Variants in HMGXB3 observed in about 807,000 individuals in gnomAD.
HMGXB3 encodes the protein HMG domain-containing protein 3.
In HMGXB3, 45 loss-of-function variants were observed where a neutral mutation model predicts 121.5. The observed-to-expected ratio is 0.37, with a 90% confidence interval of 0.29 to 0.47. HMGXB3 has a LOEUF of 0.47. HMGXB3 is among the 20% of genes least tolerant of loss of function. HMGXB3 has a pLI of 0.99. For missense variants in HMGXB3, 1,376 were observed against 1,602.2 expected, an observed-to-expected ratio of 0.86 and a Z score of 2.41; for synonymous variants, 590 against 624.1, an observed-to-expected ratio of 0.95 and a Z score of 0.81.
At chr5:150,040,564 T>G (rs1301116063) in intron 13 of HMGXB3, among the ~76,000 whole-genome samples, 184 bp from the exon 14 acceptor site, 1 of 151,492 alleles carries the variant, frequency 6.6e-6, no homozygotes, top group Non-Finnish European at 1.5e-5. Flanking sequence ...TTTTTTGAGA[T>G]GGAGTCTCTC....
intron 3 of HMGXB3, among the ~76,000 whole-genome samples, chr5:150,008,225 C>T (rs1388340151): frequency 6.6e-6 from 1 of 152,046 alleles, no homozygotes; most frequent in African/African-American, 2.4e-5. Flanking sequence ...TGCAATGATT[C>T]TTCCTTATTT....
intron 12 of HMGXB3, 26 bp from the exon 13 acceptor site, chr5:150,037,374 T>C: frequency 6.6e-7 from 1 of 1,506,078 alleles, no homozygotes; most frequent in Non-Finnish European, 8.9e-7. Context: ...CTTCTTTTTT[T>C]TTGTTGGTGA....
intron 15 of HMGXB3, among the ~76,000 whole-genome samples, chr5:150,043,493 A>G (rs1756686017): frequency 6.6e-6 from 1 of 152,208 alleles, no homozygotes; most frequent in African/African-American, 2.4e-5. Flanking sequence ...GCTTTGGTGT[A>G]TTCTGGCAGG....
At chr5:150,016,445 G>A (rs1755962861) in intron 5 of HMGXB3, among the ~76,000 whole-genome samples, 1 of 151,298 alleles carries the variant, frequency 6.6e-6, no homozygotes, top group Non-Finnish European at 1.5e-5. Flanking sequence ...TGACTCTCTT[G>A]CGAAGTATGT....
chr5:150,019,329 A>C (rs899765870), intron 6 of HMGXB3, among the ~76,000 whole-genome samples: 1 of 152,106 alleles, frequency 6.6e-6, no homozygotes, highest in African/African-American at 2.4e-5. Context: ...TTTAACACTC[A>C]TCATCAGTTA....
rs747578064 is a variant in HMGXB3 at position 150,024,589 on chromosome 5, A to G, written c.1369A>G (p.Thr457Ala). 5.8e-6 allele frequency: 9 copies of G among 1,551,790 alleles called. No individual in the cohort carries two copies. Among genetic ancestry groups the G allele is most frequent in the South Asian group, 3.6e-5 (3 of 84,060 alleles). ...GVQPEVTLGT[T>A]DNDSPGADVP... ...GCAGCCTGAGGTCACTCTGGGGACA[A>G]CTGACAATGACAGTCCTGGAGCAGA... is the stretch of plus-strand genomic sequence containing the variant. Residue 457 changes from threonine (T) to alanine (A), a missense_variant, in exon 7 of 20, where the codon ACT becomes GCT. By Grantham distance (58) the Thr-to-Ala change is moderately conservative. Around this residue, in one of 2 missense-constraint regions of HMGXB3, gnomAD observed 1,116 missense variants for 1,369.0 expected, o/e 0.82. Coordinates refer to ENST00000502717, the MANE Select transcript of HMGXB3 (RefSeq NM_014983.3).
chr5:150,051,485 C>T (rs897212863), intron 19 of HMGXB3, among the ~76,000 whole-genome samples: 1 of 152,156 alleles, frequency 6.6e-6, no homozygotes, highest in Non-Finnish European at 1.5e-5. Flanking sequence ...CCTGAATGGA[C>T]CGGGGGCAAT....
intron 8 of HMGXB3, 60 bp from the exon 9 acceptor site, chr5:150,026,960 A>G (rs945034220): frequency 4.6e-6 from 7 of 1,537,992 alleles, no homozygotes; most frequent in Middle Eastern, 3.4e-4. Flanking sequence ...GAACGGACAT[A>G]GAGACTTGGG....
intron 5 of HMGXB3, among the ~76,000 whole-genome samples, chr5:150,014,538 A>T (rs895055750): frequency 1.3e-5 from 2 of 152,212 alleles, no homozygotes; most frequent in African/African-American, 4.8e-5. Context: ...AAACAGTTCA[A>T]CTTACTGCCC....
rs192936660 is a variant in HMGXB3, at chr5:150,016,912, T to G, written c.910-1654T>G. Among the ~76,000 whole-genome samples the G allele has an allele frequency of 3.0e-3, 464 of 152,346 alleles. 1 individual carries two copies. The highest frequency in any genetic ancestry group is 5.6e-3 in the Non-Finnish European group (381 of 68,034). The stretch of plus-strand genomic sequence containing the variant: ...TTTAGTAGTTTCTTTAGGGCTAAAG[T>G]ACATATTTTTAACTTATAAGTTTAT... On this transcript the variant is annotated intron_variant, in intron 5 of 19. Coordinates refer to ENST00000502717, the MANE Select transcript of HMGXB3 (RefSeq NM_014983.3).
chr5:150,010,865 G>A (rs1342908188), intron 4 of HMGXB3, among the ~76,000 whole-genome samples: 3 of 152,228 alleles, frequency 2.0e-5, no homozygotes, highest in African/African-American at 7.2e-5. Context: ...AGCTACATTA[G>A]CAAGAAAGCT....
intron 1 of HMGXB3, among the ~76,000 whole-genome samples, chr5:150,003,151 ATAAATT>A (rs1269319785): frequency 6.6e-6 from 1 of 152,212 alleles, no homozygotes. Context: ...TTAAAAATAA[ATAAATT>A]TAAAAATAAA....
At chr5:150,021,647 G>T in intron 6 of HMGXB3, 1 of 525,556 alleles carries the variant, frequency 1.9e-6, no homozygotes, top group South Asian at 1.5e-5. Flanking sequence ...ATCTCAGAAG[G>T]ACTGTGCAAG....
At position 150,036,636 on chromosome 5, in the gene HMGXB3, G is replaced by A. The variant is rs1244049242; in HGVS notation, c.1984G>A (p.Glu662Lys). The stretch of plus-strand genomic sequence containing the variant: ...GGTGATCAATCCACTCTCTTCCCAG[G>A]AGGTGAGCTCACCACTCCCAGATGT... ...DRTEKTTKAIEVSSPLPDVLN... is the reference protein window; with the variant it reads ...DRTEKTTKAIKVSSPLPDVLN... The change falls in exon 12 of 20, where the codon GAG becomes AAG. Residue 662 changes from glutamate to lysine, a missense_variant and splice_region_variant. Glu to Lys is a moderately conservative substitution (Grantham distance 56). This residue lies in a region of HMGXB3 where 1,116 missense variants were observed against 1,369.0 expected (regional missense o/e 0.82). Coordinates refer to ENST00000502717, the MANE Select transcript of HMGXB3 (RefSeq NM_014983.3). The A allele has an allele frequency of 5.2e-6, 8 of 1,538,346 alleles. No individual in the cohort carries two copies. Among genetic ancestry groups the A allele is most frequent in the Non-Finnish European group, 7.0e-6 (8 of 1,139,456 alleles).
At chr5:150,039,834 C>T (rs1051186024) in intron 13 of HMGXB3, among the ~76,000 whole-genome samples, 16 of 152,194 alleles carry the variant, frequency 1.1e-4, no homozygotes, top group Admixed American at 9.2e-4. Context: ...TGCACTTCTC[C>T]TTACCCTTCT....
At chr5:150,020,241 C>T (rs1035922709) in intron 6 of HMGXB3, among the ~76,000 whole-genome samples, 3 of 152,176 alleles carry the variant, frequency 2.0e-5, no homozygotes, top group African/African-American at 7.2e-5. Context: ...TCAGGAAGGG[C>T]CTAGTGCTAA....
chr5:150,001,346 T>A (rs1755558704), intron 1 of HMGXB3, among the ~76,000 whole-genome samples, 167 bp downstream of exon 1: 1 of 152,194 alleles, frequency 6.6e-6, no homozygotes, highest in Non-Finnish European at 1.5e-5. Context: ...CGTCTTAGCT[T>A]GACCAAGACT....
intron 1 of HMGXB3, among the ~76,000 whole-genome samples, chr5:150,003,793 A>G (rs894367809): frequency 2.6e-5 from 4 of 151,804 alleles, no homozygotes; most frequent in South Asian, 2.1e-4. Flanking sequence ...GCAAAACCCT[A>G]TCTCTCCAAA....
At chr5:150,040,601 C>T (rs1756606328) in intron 13 of HMGXB3, 147 bp from the exon 14 acceptor site, 1 of 738,386 alleles carries the variant, frequency 1.4e-6, no homozygotes, top group Non-Finnish European at 2.1e-6. Flanking sequence ...TAGTCGACAA[C>T]TCCTGGGCTC....
Sources: allele counts gnomAD v4.1 joint callset (sites outside exome capture counted in the v4.1 genomes callset), GRCh38; gene constraint gnomAD v4.1.1; regional missense constraint gnomAD v4.1.1; transcripts MANE v1.5; gene names NCBI Gene and HGNC (gene_info 2026-07-23, HGNC 2026-07-21).